Variants in ANKIB1 observed in about 807,000 individuals in gnomAD.
ANKIB1 encodes ankyrin repeat and IBR domain containing 1, also known as ankyrin repeat and IBR domain-containing protein 1.
In ANKIB1, 43 loss-of-function variants were observed where a neutral mutation model predicts 122.1. The observed-to-expected ratio is 0.35, with a 90% CI of 0.28 to 0.45. The LOEUF (loss-of-function observed/expected upper bound fraction) is 0.45. Among genes scored for constraint, ANKIB1 ranks in the 20% least tolerant of loss-of-function variants. The pLI is 1.00. For missense variants in ANKIB1, 992 were observed against 1,329.5 expected, an observed-to-expected ratio of 0.75 and a Z score of 3.95; for synonymous variants, 390 against 442.0, an observed-to-expected ratio of 0.88 and a Z score of 1.48.
intron 11 of ANKIB1, among the ~76,000 whole-genome samples, chr7:92,377,111 A>C (rs553180330): frequency 3.9e-5 from 6 of 152,278 alleles, no homozygotes; most frequent in Non-Finnish European, 8.8e-5. Context: ...GCTTTTCAAC[A>C]TGCCTTCCTT....
chr7:92,395,576 T>C (rs1478885104), intron 17 of ANKIB1, among the ~76,000 whole-genome samples: 1 of 144,404 alleles, frequency 6.9e-6, no homozygotes, highest in Non-Finnish European at 1.5e-5. Flanking sequence ...GGAGTCTTGC[T>C]GTTGTTGCCC....
At chr7:92,308,729 C>T (rs1208775080) in intron 3 of ANKIB1, among the ~76,000 whole-genome samples, 1 of 152,046 alleles carries the variant, frequency 6.6e-6, no homozygotes, top group Non-Finnish European at 1.5e-5. Context: ...ATAGTATCGT[C>T]ACTACTATAC....
rs543704862 is a variant in ANKIB1, at chr7:92,327,985, G to C, written c.787+85G>C. 3.0e-5 allele frequency: 25 copies of C among 843,890 alleles called. No homozygotes were observed. In the African/African-American group the frequency reaches 3.7e-4, roughly 13 times the overall value. The allele number at this position is 843,890 out of a possible 1,614,324, so 52.3% of individuals were successfully genotyped here. A position where few individuals can be genotyped will look rare whatever the true frequency, so the allele number is the denominator to read the frequency against. On this transcript the variant is annotated intron_variant, in intron 5 of 19. Coordinates refer to ENST00000265742, the MANE Select transcript of ANKIB1 (RefSeq NM_019004.2). ...TTTTAAAAGGGCTATTTTTGTATTT[G>C]AATACAGAACAAAATGGTTTGTTAA...
At chr7:92,259,789 A>G (rs1437859560) in intron 1 of ANKIB1, among the ~76,000 whole-genome samples, 1 of 152,168 alleles carries the variant, frequency 6.6e-6, no homozygotes. Context: ...CAGTAGTGGT[A>G]ACCCCTTGCT....
intron 4 of ANKIB1, among the ~76,000 whole-genome samples, chr7:92,325,198 C>A (rs1803002463): frequency 6.6e-6 from 1 of 152,148 alleles, no homozygotes; most frequent in Non-Finnish European, 1.5e-5. Context: ...GCTATGAAAG[C>A]CCATCTAAAG....
chr7:92,391,472 AAGT>A (rs1804784328), intron 16 of ANKIB1, 128 bp downstream of exon 16: 1 of 832,338 alleles, frequency 1.2e-6, no homozygotes, highest in Admixed American at 4.1e-5. Flanking sequence ...TAGCTCATAA[AAGT>A]ATGTTGACTT....
intron 5 of ANKIB1, among the ~76,000 whole-genome samples, chr7:92,339,126 C>T (rs1330262882): frequency 7.0e-6 from 1 of 142,156 alleles, no homozygotes; most frequent in Non-Finnish European, 1.5e-5. Flanking sequence ...ACTGCAAGCT[C>T]CATCTCCTGG....
At chr7:92,268,348 A>G (rs756619559) in intron 1 of ANKIB1, among the ~76,000 whole-genome samples, 1 of 152,198 alleles carries the variant, frequency 6.6e-6, no homozygotes, top group Non-Finnish European at 1.5e-5. Flanking sequence ...TTGGAATATA[A>G]TGGAAGAAAG....
At chr7:92,390,235 C>A in intron 15 of ANKIB1, 119 bp downstream of exon 15, 1 of 788,304 alleles carries the variant, frequency 1.3e-6, no homozygotes, top group Non-Finnish European at 1.8e-6. Context: ...ATTTTCTTTT[C>A]ATTTTTTAAA....
rs553115092 is a variant in ANKIB1 at position 92,383,280 on chromosome 7, A to G, written c.1618-3229A>G. 3.3e-5 allele frequency among the ~76,000 whole-genome samples: 5 copies of G among 152,368 alleles called. No individual in the cohort carries two copies. The South Asian group carries it at 1.0e-3, about 32-fold the overall frequency. On this transcript the variant is annotated intron_variant, in intron 11 of 19. Coordinates refer to ENST00000265742, the MANE Select transcript of ANKIB1 (RefSeq NM_019004.2). ...TACCAACCAAAAAGAGTCCAGGACCAGATGGATTCACAGCCAAATTGTACC... is the reference window on the plus strand; with the variant it reads ...TACCAACCAAAAAGAGTCCAGGACCGGATGGATTCACAGCCAAATTGTACC...
At chr7:92,247,142 A>G (rs188924894) in intron 1 of ANKIB1, among the ~76,000 whole-genome samples, 77 of 152,340 alleles carry the variant, frequency 5.1e-4, no homozygotes, top group African/African-American at 1.8e-3. Flanking sequence ...TAGTCTCCCA[A>G]GCTCTATTCA....
intron 3 of ANKIB1, among the ~76,000 whole-genome samples, chr7:92,310,657 T>C (rs189264672): frequency 8.6e-4 from 131 of 152,314 alleles, no homozygotes; most frequent in African/African-American, 3.1e-3. Flanking sequence ...AAATCCCTTA[T>C]AGAAAATGGC....
intron 2 of ANKIB1, among the ~76,000 whole-genome samples, chr7:92,302,194 A>G (rs886320040): frequency 6.6e-6 from 1 of 152,144 alleles, no homozygotes; most frequent in Admixed American, 6.5e-5. Flanking sequence ...TCAGCCTCCC[A>G]AAGTGTTGGG....
intron 8 of ANKIB1, 57 bp from the exon 9 acceptor site, chr7:92,352,419 A>G (rs1769964843): frequency 2.6e-6 from 4 of 1,549,226 alleles, no homozygotes; most frequent in Non-Finnish European, 3.5e-6. Context: ...TACACTCTGT[A>G]TTAGAATTTA....
rs1026075701 is a variant in ANKIB1 at position 92,399,119 on chromosome 7, C to T, written c.*170C>T. 1.5e-6 allele frequency: 1 copy of T among 646,934 alleles called. No individual in the cohort carries two copies. The highest frequency in any genetic ancestry group is 2.3e-6 in the Non-Finnish European group (1 of 435,978). The allele number at this position is 646,934 out of a possible 1,614,324, so 40.1% of individuals were successfully genotyped here. ...ATGGTAGCTTCATTTTTTATTTTAA[C>T]CTTACAGGGAATTTCCTTTGTACTT... On this transcript the variant is annotated 3_prime_UTR_variant, in exon 20 of 20. Coordinates refer to ENST00000265742, the MANE Select transcript of ANKIB1 (RefSeq NM_019004.2).
intron 9 of ANKIB1, among the ~76,000 whole-genome samples, chr7:92,355,158 A>G (rs958750002): frequency 3.3e-5 from 5 of 152,138 alleles, no homozygotes; most frequent in Admixed American, 3.3e-4. Context: ...TTCTCCCCCT[A>G]GCCTTTATAA....
chr7:92,383,607 A>T (rs1167129486), intron 11 of ANKIB1, among the ~76,000 whole-genome samples: 1 of 152,210 alleles, frequency 6.6e-6, no homozygotes, highest in Admixed American at 6.5e-5. Flanking sequence ...AATAAACGTA[A>T]TCCATCACAT....
rs556727602 is a variant in ANKIB1 at position 92,349,099 on chromosome 7, C to T, written c.1086-1851C>T. 1.8e-4 allele frequency among the ~76,000 whole-genome samples: 28 copies of T among 152,244 alleles called. No individual in the cohort carries two copies. The South Asian group carries it at 5.4e-3, about 29-fold the overall frequency. On this transcript the variant is annotated intron_variant, in intron 7 of 19. Coordinates refer to ENST00000265742, the MANE Select transcript of ANKIB1 (RefSeq NM_019004.2). ...GTAAGGGTTTTTAAAATGGGAAAAA[C>T]TTGAGCATGTTTATTGTGCCCAAGG... is the stretch of plus-strand genomic sequence containing the variant.
intron 12 of ANKIB1, among the ~76,000 whole-genome samples, chr7:92,386,931 T>C (rs576836482): frequency 1.3e-5 from 2 of 152,310 alleles, no homozygotes; most frequent in South Asian, 4.1e-4. Flanking sequence ...AATGCAGTAT[T>C]ACATTATACT....
Sources: gnomAD v4.1 joint callset for allele counts (sites outside exome capture counted in the v4.1 genomes callset) on GRCh38, gnomAD v4.1.1 for gene constraint, MANE v1.5 for transcripts, NCBI Gene and HGNC (gene_info 2026-07-23, HGNC 2026-07-21) for gene names.